The following NALF1 variants were observed in gnomAD, a reference collection of about 807,000 sequenced individuals.
NALF1 encodes NALCN channel auxiliary factor 1, also known as family with sequence similarity 155 member A.
NALF1 carries 3 observed loss-of-function variants against 48.4 expected under a neutral mutation model. That is an observed-to-expected ratio of 0.06 (90% confidence interval 0.03 to 0.16). The LOEUF (loss-of-function observed/expected upper bound fraction) is 0.16, where lower values mean the gene tolerates loss of function less well. Ranked by LOEUF, NALF1 falls within the 10% of genes least tolerant of loss-of-function variation. The probability of loss-of-function intolerance (pLI) is 1.00; values close to 1 mark genes in which losing one functional copy is unlikely to be tolerated. For synonymous variants in NALF1, 262 were observed against 245.7 expected (o/e 1.07, Z -0.62); for missense variants, 526 against 571.5 (o/e 0.92, Z 0.81).
At chr13:107,241,484 G>C (rs1018371121) in intron 1 of NALF1, among the ~76,000 whole-genome samples, 4 of 152,164 alleles carry the variant, frequency 2.6e-5, no homozygotes, top group African/African-American at 7.2e-5. Flanking sequence ...ATTCCCTTCA[G>C]CTCCTGGCTC....
chr13:107,640,548 G>T (rs1880123315), intron 1 of NALF1, among the ~76,000 whole-genome samples: 1 of 152,020 alleles, frequency 6.6e-6, no homozygotes, highest in Admixed American at 6.6e-5. Context: ...TAAGATTTGG[G>T]ATTAATAAAT....
intron 1 of NALF1, among the ~76,000 whole-genome samples, chr13:107,546,437 T>A (rs1295638411): frequency 6.6e-6 from 1 of 152,186 alleles, no homozygotes; most frequent in Non-Finnish European, 1.5e-5. Context: ...GTCCAGAATA[T>A]AATGGGCTGA....
At chr13:107,299,938 C>T (rs550893940) in intron 1 of NALF1, among the ~76,000 whole-genome samples, 3 of 152,254 alleles carry the variant, frequency 2.0e-5, no homozygotes, top group Admixed American at 6.5e-5. Flanking sequence ...TTCCTTGCCC[C>T]GACCTGAGCA....
intron 1 of NALF1, among the ~76,000 whole-genome samples, chr13:107,289,215 C>G (rs73584938): frequency 0.077 from 11,772 of 152,238 alleles, 848 homozygotes; most frequent in East Asian, 0.34. Context: ...ATCATAACCC[C>G]TCAGTTCCAT....
At chr13:107,439,703 A>G (rs2139024956) in intron 1 of NALF1, among the ~76,000 whole-genome samples, 1 of 152,346 alleles carries the variant, frequency 6.6e-6, no homozygotes, top group Non-Finnish European at 1.5e-5. Flanking sequence ...TCTTTCATGT[A>G]GATGGAGGTA....
intron 1 of NALF1, among the ~76,000 whole-genome samples, chr13:107,637,769 C>T (rs1382706658): frequency 6.6e-6 from 1 of 152,058 alleles, no homozygotes; most frequent in African/African-American, 2.4e-5. Context: ...ATGTGGGATG[C>T]TAAAATGCAA....
At chr13:107,171,502 TTGTC>T (rs1229322874) in intron 2 of NALF1, among the ~76,000 whole-genome samples, 6 of 152,348 alleles carry the variant, frequency 3.9e-5, no homozygotes, top group East Asian at 3.9e-4. Flanking sequence ...CTATCAGGAA[TTGTC>T]TGTCTCTCTC....
chr13:107,238,962 G>A (rs932041452), intron 1 of NALF1, among the ~76,000 whole-genome samples: 4 of 151,966 alleles, frequency 2.6e-5, no homozygotes, highest in Admixed American at 6.6e-5. Flanking sequence ...AATGGTGCAA[G>A]ATTATAGAAA....
chr13:107,445,976 G>T (rs1884643298), intron 1 of NALF1, among the ~76,000 whole-genome samples: 1 of 151,674 alleles, frequency 6.6e-6, no homozygotes, highest in Non-Finnish European at 1.5e-5. Context: ...ATCTCGCTTT[G>T]TCGTCAGGCT....
At chr13:107,240,716 A>G (rs1259609352) in intron 1 of NALF1, among the ~76,000 whole-genome samples, 1 of 151,984 alleles carries the variant, frequency 6.6e-6, no homozygotes, top group African/African-American at 2.4e-5. Flanking sequence ...TATAAATTAG[A>G]TTTTTTGGTC....
chr13:107,473,782 C>G (rs1885136509), intron 1 of NALF1, among the ~76,000 whole-genome samples: 1 of 152,154 alleles, frequency 6.6e-6, no homozygotes, highest in Admixed American at 6.5e-5. Context: ...CAAAATTCTA[C>G]CCAAATAGTT....
chr13:107,447,173 GCCTCCTCCTCGT>G (rs1249871343), intron 1 of NALF1, among the ~76,000 whole-genome samples: 2 of 151,902 alleles, frequency 1.3e-5, no homozygotes, highest in Admixed American at 1.3e-4. Flanking sequence ...CTTCTCCTTG[GCCTCCTCCTCGT>G]CCTCCTTCTC....
chr13:107,529,741 G>A (rs930144472), intron 1 of NALF1, among the ~76,000 whole-genome samples: 7 of 152,102 alleles, frequency 4.6e-5, no homozygotes, highest in African/African-American at 7.2e-5. Flanking sequence ...TAGATCTTCC[G>A]TAAGCTCTGA....
intron 1 of NALF1, among the ~76,000 whole-genome samples, chr13:107,689,808 A>T (rs1280419323): frequency 6.6e-6 from 1 of 152,316 alleles, no homozygotes; most frequent in South Asian, 2.1e-4. Flanking sequence ...TTCTTAACTT[A>T]GTTTTATTTA....
At chr13:107,598,881 A>G (rs903811382) in intron 1 of NALF1, among the ~76,000 whole-genome samples, 1 of 151,988 alleles carries the variant, frequency 6.6e-6, no homozygotes, top group African/African-American at 2.4e-5. Flanking sequence ...ATCTGACATA[A>G]TTTTCTTCCA....
intron 1 of NALF1, among the ~76,000 whole-genome samples, chr13:107,433,415 T>A (rs964695952): frequency 6.6e-6 from 1 of 152,094 alleles, no homozygotes; most frequent in Non-Finnish European, 1.5e-5. Context: ...TCTAGGGTGA[T>A]TGCCCATTAT....
chr13:107,404,749 T>C (rs912738122), intron 1 of NALF1, among the ~76,000 whole-genome samples: 1 of 152,142 alleles, frequency 6.6e-6, no homozygotes, highest in Non-Finnish European at 1.5e-5. Context: ...TTTTCAGAAC[T>C]ATATTCAGGA....
rs191556404 is a variant in NALF1, at chr13:107,575,977, C to T, written c.915+289705G>A. Among the ~76,000 whole-genome samples the T allele has an allele frequency of 2.6e-3, 334 of 128,676 alleles. 2 individuals are homozygous for T. The highest frequency in any genetic ancestry group is 0.017 in the South Asian group (55 of 3,216). The allele number at this position is 128,676 out of a possible 152,430, so 84.4% of individuals were successfully genotyped here. A position where few individuals can be genotyped will look rare whatever the true frequency, so the allele number is the denominator to read the frequency against. Reference sequence around the variant, plus strand: ...TGTGTGTGTTGGGTGTGTGTGTGTGCATATGTGTGTGTGCATGTATATGTG... The same window carrying T: ...TGTGTGTGTTGGGTGTGTGTGTGTGTATATGTGTGTGTGCATGTATATGTG... On this transcript the variant is annotated intron_variant, in intron 1 of 2. Coordinates refer to ENST00000375915, the MANE Select transcript of NALF1 (RefSeq NM_001080396.3).
At position 107,768,467 on chromosome 13, in the gene NALF1, C is replaced by G. The variant is rs191254879; in HGVS notation, c.915+97215G>C. 2.4e-3 allele frequency among the ~76,000 whole-genome samples: 372 copies of G among 152,222 alleles called. 4 individuals are homozygous for G. Among genetic ancestry groups the G allele is most frequent in the African/African-American group, 8.4e-3 (350 of 41,546 alleles). ...TAAACTGGTTAATAATCCACAGTAG[C>G]TTTTATAAGAATTTGGAATGTGAAC... On this transcript the variant is annotated intron_variant, in intron 1 of 2. Coordinates refer to ENST00000375915, the MANE Select transcript of NALF1 (RefSeq NM_001080396.3).
Sources: gnomAD v4.1 joint callset for allele counts (sites outside exome capture counted in the v4.1 genomes callset) on GRCh38, gnomAD v4.1.1 for gene constraint, MANE v1.5 for transcripts, NCBI Gene and HGNC (gene_info 2026-07-23, HGNC 2026-07-21) for gene names.